The following MAN1A2 variants were observed in gnomAD, a reference collection of about 807,000 sequenced individuals.
MAN1A2 encodes the protein mannosidase alpha class 1A member 2, also known as mannosyl-oligosaccharide 1,2-alpha-mannosidase IB.
MAN1A2 carries 26 observed loss-of-function variants against 75.7 expected under a neutral mutation model. The ratio of observed to expected loss-of-function variants is 0.34; its 90% CI spans 0.25 to 0.48. The LOEUF is 0.48. Ranked by LOEUF, MAN1A2 falls within the 20% of genes least tolerant of loss-of-function variation. The pLI, the probability that MAN1A2 is intolerant of heterozygous loss-of-function variation, is 0.99. For synonymous variants in MAN1A2, 247 were observed against 264.6 expected (o/e 0.93, Z 0.65); for missense variants, 562 against 775.5 (o/e 0.72, Z 3.27).
At chr1:117,458,495 ATC>A (rs1027788043) in intron 6 of MAN1A2, among the ~76,000 whole-genome samples, 4,733 of 53,418 alleles carry the variant, frequency 0.089, 174 homozygotes, top group African/African-American at 0.11. Flanking sequence ...ATATATATAT[ATC>A]TATATATATA....
At chr1:117,377,935 C>T (rs1398037891) in intron 1 of MAN1A2, among the ~76,000 whole-genome samples, 1 of 151,988 alleles carries the variant, frequency 6.6e-6, no homozygotes, top group East Asian at 1.9e-4. Context: ...CCCATCTCTA[C>T]TAAAAATACA....
chr1:117,519,964 A>C (rs1412497631), intron 12 of MAN1A2, among the ~76,000 whole-genome samples: 1 of 152,132 alleles, frequency 6.6e-6, no homozygotes, highest in Non-Finnish European at 1.5e-5. Context: ...ACAACATATC[A>C]AAAAGATAAT....
chr1:117,376,114 G>A (rs1443056639), intron 1 of MAN1A2, among the ~76,000 whole-genome samples: 1 of 152,082 alleles, frequency 6.6e-6, no homozygotes, highest in Non-Finnish European at 1.5e-5. Context: ...GTTTCACCGC[G>A]TTAGCCAGGA....
At chr1:117,461,716 G>T (rs891903685) in intron 7 of MAN1A2, among the ~76,000 whole-genome samples, 1 of 151,958 alleles carries the variant, frequency 6.6e-6, no homozygotes, top group Admixed American at 6.6e-5. Context: ...TTTATTAAAT[G>T]ATATTGAAGA....
intron 12 of MAN1A2, among the ~76,000 whole-genome samples, chr1:117,521,588 T>C (rs550989054): frequency 6.6e-6 from 1 of 152,102 alleles, no homozygotes; most frequent in South Asian, 2.1e-4. Flanking sequence ...GAACGTAAAC[T>C]TACACAACCA....
intron 1 of MAN1A2, among the ~76,000 whole-genome samples, chr1:117,381,293 G>C (rs372018777): frequency 6.6e-6 from 1 of 151,862 alleles, no homozygotes; most frequent in East Asian, 1.9e-4. Context: ...CCATTAACTC[G>C]TCATTTAGCA....
chr1:117,380,474 A>T (rs1006541953), intron 1 of MAN1A2, among the ~76,000 whole-genome samples: 1 of 152,092 alleles, frequency 6.6e-6, no homozygotes, highest in Non-Finnish European at 1.5e-5. Context: ...TTTCCATAAG[A>T]TTTTTTAAAA....
chr1:117,461,763 T>G lies in MAN1A2; in HGVS notation c.1074+1151T>G, dbSNP rs1011201846. ...AATGGAGAGATATCGTATTTATATATAGGTAAACAATATCATAAAAATTTC... is the reference window on the plus strand; with the variant it reads ...AATGGAGAGATATCGTATTTATATAGAGGTAAACAATATCATAAAAATTTC... On this transcript the variant is annotated intron_variant, in intron 7 of 12. Coordinates refer to ENST00000356554, the MANE Select transcript of MAN1A2 (RefSeq NM_006699.5). 2.6e-5 allele frequency among the ~76,000 whole-genome samples: 4 copies of G among 152,156 alleles called. No homozygotes were observed. The East Asian group carries it at 5.8e-4, about 22-fold the overall frequency.
intron 5 of MAN1A2, among the ~76,000 whole-genome samples, chr1:117,424,172 GTTAT>G (rs1257843249): frequency 2.0e-5 from 3 of 152,218 alleles, no homozygotes; most frequent in Non-Finnish European, 2.9e-5. Context: ...ATAGAGAATG[GTTAT>G]TTATTTATTT....
chr1:117,378,447 A>AT, intron 1 of MAN1A2, among the ~76,000 whole-genome samples: 1 of 152,128 alleles, frequency 6.6e-6, no homozygotes, highest in East Asian at 1.9e-4. Context: ...ATATAATTAT[A>AT]TTATCTGCCT....
chr1:117,425,970 C>T (rs538009775), intron 5 of MAN1A2, among the ~76,000 whole-genome samples: 1 of 152,202 alleles, frequency 6.6e-6, no homozygotes, highest in Non-Finnish European at 1.5e-5. Context: ...TTTATTCCTT[C>T]TGTGGAAACA....
At chr1:117,516,338 A>G (rs1312607963) in intron 12 of MAN1A2, among the ~76,000 whole-genome samples, 1 of 152,170 alleles carries the variant, frequency 6.6e-6, no homozygotes, top group Admixed American at 6.6e-5. Context: ...TTTTCACAAA[A>G]TTCTAGGAAG....
chr1:117,392,035 C>T (rs1211466090), intron 1 of MAN1A2, among the ~76,000 whole-genome samples: 1 of 152,070 alleles, frequency 6.6e-6, no homozygotes, highest in East Asian at 1.9e-4. Flanking sequence ...ACTGCTGTGA[C>T]TTCCTGACTC....
At chr1:117,389,507 G>T (rs1256830600) in intron 1 of MAN1A2, among the ~76,000 whole-genome samples, 3 of 152,136 alleles carry the variant, frequency 2.0e-5, no homozygotes, top group African/African-American at 7.2e-5. Flanking sequence ...CTCACCTCCT[G>T]CTTGCCAGCC....
rs1383407804 is a variant in MAN1A2, at chr1:117,527,406, C to G, written c.*4449C>G. ...GTTTATTTTGTGTTAGACCCTCTAACCTTTGATCTGCGTCTTTTCTGTTTT... is the reference window on the plus strand; with the variant it reads ...GTTTATTTTGTGTTAGACCCTCTAAGCTTTGATCTGCGTCTTTTCTGTTTT... On this transcript the variant is annotated 3_prime_UTR_variant, in exon 13 of 13. Coordinates refer to ENST00000356554, the MANE Select transcript of MAN1A2 (RefSeq NM_006699.5). 6.6e-6 allele frequency: 1 copy of G among 151,906 alleles called. No homozygotes were observed. Among genetic ancestry groups the G allele is most frequent in the South Asian group, 2.1e-4 (1 of 4,820 alleles). 9.4% of individuals were successfully genotyped at this position (151,906 alleles called of 1,614,324 possible). A position where few individuals can be genotyped will look rare whatever the true frequency, so the allele number is the denominator to read the frequency against.
Position 117,445,404 on chromosome 1 carries a change from T to G in MAN1A2, c.950+3079T>G, listed in dbSNP as rs376119164. On this transcript the variant is annotated intron_variant, in intron 6 of 12. Transcript: ENST00000356554. ...AATTTTTGTTTGCAGAAATAATTCG[T>G]GGAGTGCTGTAGTTACTTCTTTCTT... Among the ~76,000 whole-genome samples the G allele has an allele frequency of 4.0e-4, 61 of 152,312 alleles. 1 individual carries two copies. The South Asian group carries it at 0.011, about 27-fold the overall frequency.
intron 5 of MAN1A2, 103 bp downstream of exon 5, chr1:117,420,752 A>G (rs1288874808): frequency 1.2e-5 from 10 of 829,764 alleles, no homozygotes; most frequent in African/African-American, 5.1e-5. Context: ...TAAATTGGTA[A>G]TATTGAACCA....
chr1:117,496,698 G>T, intron 9 of MAN1A2, 65 bp from the exon 10 acceptor site: 1 of 1,161,578 alleles, frequency 8.6e-7, no homozygotes, highest in South Asian at 1.3e-5. Flanking sequence ...TGGCCAGAAG[G>T]ATATAGTAAG....
chr1:117,526,880 C>CTCTCTCTCTCTCTCTCTATATA lies in MAN1A2; in HGVS notation c.*3924_*3925insCTCTCTCTCTCTCTCTATATAT. On this transcript the variant is annotated 3_prime_UTR_variant, in exon 13 of 13. Coordinates refer to ENST00000356554, the MANE Select transcript of MAN1A2 (RefSeq NM_006699.5). ...TCTCTCTCTCTCTCTCTCTCTCTCTCTATATATATATATATATATATATAT... is the reference window on the plus strand; with the variant it reads ...TCTCTCTCTCTCTCTCTCTCTCTCTCTCTCTCTCTCTCTCTCTATATATATATATATATATATATATATATAT... 11 of 54,520 alleles carry CTCTCTCTCTCTCTCTCTATATA rather than the reference C, an allele frequency of 2.0e-4. No individual in the cohort carries two copies. The highest frequency in any genetic ancestry group is 3.3e-4 in the African/African-American group (4 of 12,284). The allele number at this position is 54,520 out of a possible 1,614,324, so 3.4% of individuals were successfully genotyped here. A position where few individuals can be genotyped will look rare whatever the true frequency, so the allele number is the denominator to read the frequency against.
Sources: allele counts gnomAD v4.1 joint callset (sites outside exome capture counted in the v4.1 genomes callset), GRCh38; gene constraint gnomAD v4.1.1; transcripts MANE v1.5; gene names NCBI Gene and HGNC (gene_info 2026-07-23, HGNC 2026-07-21).